Variants in PTK2 observed in about 807,000 individuals in gnomAD.
PTK2 encodes protein tyrosine kinase 2.
A neutral mutation model predicts 150.1 loss-of-function variants in PTK2; 45 were observed. The observed-to-expected ratio is 0.30, with a 90% CI of 0.24 to 0.38. The LOEUF is 0.38. PTK2 is among the 10% of genes least tolerant of loss of function. The probability of loss-of-function intolerance (pLI) is 1.00; values close to 1 mark genes in which losing one functional copy is unlikely to be tolerated. For missense variants in PTK2, 919 were observed against 1,307.3 expected (o/e 0.70, Z 4.58); for synonymous variants, 432 against 449.2 (o/e 0.96, Z 0.48).
intron 3 of PTK2, among the ~76,000 whole-genome samples, chr8:140,886,589 A>G (rs1207810901): frequency 6.6e-6 from 1 of 152,218 alleles, no homozygotes; most frequent in East Asian, 1.9e-4. Context: ...ATCCTGCTAC[A>G]GTATTTTCTT....
intron 17 of PTK2, among the ~76,000 whole-genome samples, chr8:140,748,357 G>C (rs1227850106): frequency 6.6e-6 from 1 of 152,092 alleles, no homozygotes; most frequent in Non-Finnish European, 1.5e-5. Context: ...GCTGGGCGTG[G>C]TGGTGTGTGC....
chr8:140,730,959 C>T (rs1050376901), intron 22 of PTK2, among the ~76,000 whole-genome samples: 1 of 141,736 alleles, frequency 7.1e-6, no homozygotes, highest in Non-Finnish European at 1.5e-5. Context: ...TTAAACCCCC[C>T]CCCCCCTTTT....
At chr8:140,884,832 GT>G (rs1294192316) in intron 3 of PTK2, among the ~76,000 whole-genome samples, 1 of 152,130 alleles carries the variant, frequency 6.6e-6, no homozygotes, top group Non-Finnish European at 1.5e-5. Flanking sequence ...ACAGTAATTA[GT>G]ATTAATCCAA....
intron 2 of PTK2, among the ~76,000 whole-genome samples, chr8:140,904,903 G>A (rs1264197186): frequency 1.6e-4 from 24 of 151,210 alleles, no homozygotes; most frequent in South Asian, 1.0e-3. Flanking sequence ...TTCTTTATTC[G>A]TCTGGCTAGC....
chr8:140,783,149 G>A (rs868042235), intron 14 of PTK2, among the ~76,000 whole-genome samples: 3 of 152,190 alleles, frequency 2.0e-5, no homozygotes, highest in African/African-American at 7.2e-5. Flanking sequence ...GCTAAGGCAG[G>A]AGGATCACTT....
chr8:140,879,237 C>A, intron 4 of PTK2: 1 of 379,244 alleles, frequency 2.6e-6, no homozygotes, highest in Admixed American at 4.4e-5. Flanking sequence ...TAGCAAAAGA[C>A]CATCACAGAA....
intron 19 of PTK2, among the ~76,000 whole-genome samples, chr8:140,743,848 G>A (rs1339284249): frequency 1.3e-5 from 2 of 151,428 alleles, no homozygotes; most frequent in Non-Finnish European, 2.9e-5. Flanking sequence ...CACGATCTCG[G>A]CTTACTGCAA....
chr8:140,770,781 T>C, intron 14 of PTK2: 1 of 1,339,800 alleles, frequency 7.5e-7, no homozygotes, highest in South Asian at 1.2e-5. Context: ...CTTAACTTTA[T>C]GTTGGCAGTG....
At chr8:140,808,185 T>C (rs1376287062) in intron 10 of PTK2, among the ~76,000 whole-genome samples, 1 of 152,176 alleles carries the variant, frequency 6.6e-6, no homozygotes, top group East Asian at 1.9e-4. Context: ...TCCAGTATGT[T>C]AGAAATGTCT....
At chr8:140,928,770 C>T (rs1330631940) in intron 1 of PTK2, among the ~76,000 whole-genome samples, 2 of 151,926 alleles carry the variant, frequency 1.3e-5, no homozygotes, top group African/African-American at 2.4e-5. Context: ...ATGGTGGTTT[C>T]CAGAGGATGA....
intron 16 of PTK2, among the ~76,000 whole-genome samples, chr8:140,752,816 T>C (rs2100063556): frequency 6.6e-6 from 1 of 151,846 alleles, no homozygotes; most frequent in Non-Finnish European, 1.5e-5. Context: ...GCAAAAAAAC[T>C]AAAGGAGGGA....
At chr8:140,721,709 C>T (rs916947490) in intron 22 of PTK2, 1 of 152,186 alleles carries the variant, frequency 6.6e-6, no homozygotes, top group Non-Finnish European at 1.5e-5. Flanking sequence ...AGTCATTATG[C>T]TCTCCCATGC....
chr8:140,770,259 G>A (rs1227861964), intron 14 of PTK2, among the ~76,000 whole-genome samples: 1 of 152,092 alleles, frequency 6.6e-6, no homozygotes, highest in Non-Finnish European at 1.5e-5. Flanking sequence ...GCTCCAAATG[G>A]CATAGCTGCC....
At chr8:140,772,834 C>A (rs868733312) in intron 14 of PTK2, among the ~76,000 whole-genome samples, 2 of 152,170 alleles carry the variant, frequency 1.3e-5, no homozygotes, top group African/African-American at 4.8e-5. Context: ...ATTCTCCAAG[C>A]GTAAAGTTAC....
intron 19 of PTK2, 90 bp downstream of exon 22, chr8:140,744,562 A>C (rs1264286757): frequency 1.7e-5 from 12 of 709,286 alleles, no homozygotes; most frequent in Non-Finnish European, 1.8e-5. Context: ...CCCTGGATCC[A>C]AAAGGGTCCA....
At chr8:140,701,713 T>C (rs1329698114) in intron 25 of PTK2, among the ~76,000 whole-genome samples, 1 of 152,244 alleles carries the variant, frequency 6.6e-6, no homozygotes, top group Non-Finnish European at 1.5e-5. Flanking sequence ...CTTAGGGCTT[T>C]GCCTTTCAAA....
At chr8:140,980,098 C>A (rs2100190843) in intron 1 of PTK2, among the ~76,000 whole-genome samples, 1 of 152,314 alleles carries the variant, frequency 6.6e-6, no homozygotes, top group Non-Finnish European at 1.5e-5. Context: ...ATAGGCTATG[C>A]ACATCCATGT....
At chr8:140,920,817 TAG>T in intron 2 of PTK2, 1 of 1,510,854 alleles carries the variant, frequency 6.6e-7, no homozygotes, top group South Asian at 1.2e-5. Flanking sequence ...TTTATACCTT[TAG>T]CCCAACACAC....
At position 140,761,143 on chromosome 8, in the gene PTK2, T is replaced by C. The variant is rs370714933; in HGVS notation, c.1332+22A>G. On this transcript the variant is annotated intron_variant, in intron 16 of 31. Transcript: ENST00000522684. The stretch of plus-strand genomic sequence containing the variant: ...AAATAGTCAAAATTAGTCTAGTTGT[T>C]TGGTAGTCTTAAAAGACTTACTGGA... The C allele has an allele frequency of 4.0e-6, 6 of 1,497,702 alleles. No individual in the cohort carries two copies. The African/African-American group carries it at 6.9e-5, about 17-fold the overall frequency. The allele number at this position is 1,497,702 out of a possible 1,614,324, so 92.8% of individuals were successfully genotyped here. A position where few individuals can be genotyped will look rare whatever the true frequency, so the allele number is the denominator to read the frequency against.
Sources: allele counts gnomAD v4.1 joint callset (sites outside exome capture counted in the v4.1 genomes callset), GRCh38; gene constraint gnomAD v4.1.1; transcripts MANE v1.5; gene names NCBI Gene and HGNC (gene_info 2026-07-23, HGNC 2026-07-21).